The following KCTD15 variants were observed in gnomAD, a reference collection of about 807,000 sequenced individuals.
The protein encoded by KCTD15 is potassium channel tetramerization domain containing 15.
Under a neutral mutation model 27.2 loss-of-function variants are expected in KCTD15, and 11 were observed. The observed-to-expected ratio is 0.41, with a 90% CI of 0.25 to 0.67. KCTD15 has a LOEUF of 0.67. Ranked by LOEUF, KCTD15 falls within the 30% of genes least tolerant of loss-of-function variation. The probability of loss-of-function intolerance (pLI) is 0.35; values close to 1 mark genes in which losing one functional copy is unlikely to be tolerated. For synonymous variants in KCTD15, 163 were observed against 176.0 expected (o/e 0.93, Z 0.58); for missense variants, 350 against 409.3 (o/e 0.86, Z 1.25).
chr19:33,813,134 G>A lies in KCTD15; in HGVS notation c.*186G>A, dbSNP rs1358232117. ...AACGTGGGATGCTGGAGGCATGCCT[G>A]CAGAAGGACTGTTGATGCGACCCAA... On this transcript the variant is annotated 3_prime_UTR_variant, in exon 7 of 7. Coordinates refer to ENST00000683859, the MANE Select transcript of KCTD15 (RefSeq NM_001129994.2). 3.1e-6 allele frequency: 2 copies of A among 645,816 alleles called. No individual in the cohort carries two copies. Among genetic ancestry groups the A allele is most frequent in the Non-Finnish European group, 2.7e-6 (1 of 365,850 alleles). The allele number at this position is 645,816 out of a possible 1,614,324, so 40.0% of individuals were successfully genotyped here.
intron 5 of KCTD15, among the ~76,000 whole-genome samples, chr19:33,810,758 G>A (rs1975872369): frequency 6.6e-6 from 1 of 152,100 alleles, no homozygotes; most frequent in South Asian, 2.1e-4. Flanking sequence ...CTCAGGGCAG[G>A]TTGATGATGA....
Position 33,813,215 on chromosome 19 carries a change from C to T in KCTD15, c.*267C>T, listed in dbSNP as rs1017818511. 4.7e-6 allele frequency: 3 copies of T among 639,412 alleles called. No homozygotes were observed. Among genetic ancestry groups the T allele is most frequent in the Non-Finnish European group, 8.6e-6 (3 of 348,572 alleles). The allele number at this position is 639,412 out of a possible 1,614,324, so 39.6% of individuals were successfully genotyped here. On this transcript the variant is annotated 3_prime_UTR_variant, in exon 7 of 7. Coordinates refer to ENST00000683859, the MANE Select transcript of KCTD15 (RefSeq NM_001129994.2). Reference sequence around the variant, plus strand: ...TCTCCCAGCCCCTCAGCTTCGCAGCCTGGCGCAGCATCCTCTGAGGCCCCG... The same window carrying T: ...TCTCCCAGCCCCTCAGCTTCGCAGCTTGGCGCAGCATCCTCTGAGGCCCCG...
In KCTD15 at chr19:33,800,466, C is replaced by T; in HGVS notation, c.12C>T (p.Arg4=). MPH[R]KERPSGSSLH... ...GGATGGAAGCCTAGATGCCTCACCG[C>T]AAGGAGCGGCCGAGCGGGTCCTCGC... Residue 4 remains arginine (R), a synonymous_variant, in exon 3 of 7, where the codon CGC becomes CGT. Coordinates refer to ENST00000683859, the MANE Select transcript of KCTD15 (RefSeq NM_001129994.2). 2 of 1,605,504 alleles carry T rather than the reference C, an allele frequency of 1.2e-6. No individual in the cohort carries two copies. Among genetic ancestry groups the T allele is most frequent in the Non-Finnish European group, 1.7e-6 (2 of 1,177,172 alleles).
At chr19:33,797,512 C>A in intron 1 of KCTD15, 1 of 387,450 alleles carries the variant, frequency 2.6e-6, no homozygotes, top group Admixed American at 2.8e-5. Context: ...GCAGGAGGGG[C>A]TGTCGCGCTG....
At chr19:33,812,439 T>G in intron 6 of KCTD15, 1 of 1,071,538 alleles carries the variant, frequency 9.3e-7, no homozygotes, top group Non-Finnish European at 1.1e-6. Context: ...CTTGGGGCCA[T>G]GTGTCTGGAG....
chr19:33,812,185 G>C (rs1327003103), intron 6 of KCTD15: 1 of 1,138,342 alleles, frequency 8.8e-7, no homozygotes, highest in South Asian at 3.3e-5. Context: ...TGCAGGAGAC[G>C]GGTGTTACAC....
At chr19:33,794,676 A>C (rs1280733499), upstream of KCTD15, among the ~76,000 whole-genome samples, 1 of 151,864 alleles carries the variant, frequency 6.6e-6, no homozygotes, top group African/African-American at 2.4e-5. Flanking sequence ...GGGGGCACCC[A>C]CACACACAAC....
chr19:33,812,154 T>C, intron 6 of KCTD15: 1 of 1,197,696 alleles, frequency 8.3e-7, no homozygotes, highest in Non-Finnish European at 1.0e-6. Context: ...TTCCACAGCC[T>C]GTCGGTCAGA....
chr19:33,813,555 G>A lies in KCTD15; in HGVS notation c.*607G>A. 1 of 367,710 alleles carries A rather than the reference G, an allele frequency of 2.7e-6. No homozygotes were observed. The highest frequency in any genetic ancestry group is 7.5e-5 in the East Asian group (1 of 13,300). 22.8% of individuals were successfully genotyped at this position (367,710 alleles called of 1,614,324 possible). On this transcript the variant is annotated 3_prime_UTR_variant, in exon 7 of 7. Transcript: ENST00000683859. ...GACAGATGCAGGGATGTGTGCTGCAGGGCTGCTGGGAGGAGAGTGGTGGGG... is the reference window on the plus strand; with the variant it reads ...GACAGATGCAGGGATGTGTGCTGCAAGGCTGCTGGGAGGAGAGTGGTGGGG...
intron 4 of KCTD15, among the ~76,000 whole-genome samples, chr19:33,804,547 GT>G (rs1568378994): frequency 1.3e-5 from 2 of 152,160 alleles, no homozygotes; most frequent in East Asian, 3.8e-4. Context: ...CACCTTGGAT[GT>G]AGCTCTTACT....
In KCTD15 at chr19:33,812,938, C is replaced by T. The variant is rs1338058962; in HGVS notation, c.842C>T (p.Pro281Leu). The T allele has an allele frequency of 5.2e-6, 8 of 1,547,512 alleles. No homozygotes were observed. The East Asian group carries it at 2.0e-4, about 38-fold the overall frequency. ...TPTAVRIKQE[P>L]LD ...ACTGCTGTTCGAATCAAGCAGGAAC[C>T]CCTGGACTAGGCCCTGCTTCAGTGC... The change falls in exon 7 of 7, where the codon CCC (proline) becomes CTC (leucine). Residue 281 changes from proline (P) to leucine (L), a missense_variant. Coordinates refer to ENST00000683859, the MANE Select transcript of KCTD15 (RefSeq NM_001129994.2).
At chr19:33,800,295 A>C (rs1975484610) in intron 2 of KCTD15, 133 bp from the exon 3 acceptor site, 1 of 690,630 alleles carries the variant, frequency 1.4e-6, no homozygotes, top group African/African-American at 1.8e-5. Context: ...CGGTGGAGTC[A>C]ATCAGGGAGG....
upstream of KCTD15, among the ~76,000 whole-genome samples, chr19:33,795,429 A>AC (rs1295483233): frequency 1.2e-4 from 18 of 151,388 alleles, no homozygotes; most frequent in Non-Finnish European, 2.7e-4. Context: ...CTCCAGGCCG[A>AC]CCCCGAGCGC....
intron 4 of KCTD15, among the ~76,000 whole-genome samples, chr19:33,805,472 A>G (rs1296870249): frequency 6.6e-6 from 1 of 152,152 alleles, no homozygotes; most frequent in African/African-American, 2.4e-5. Flanking sequence ...TGGAGTGGAC[A>G]GAGGAGTGGG....
chr19:33,801,825 G>A (rs193259141), intron 4 of KCTD15: 1 of 153,256 alleles, frequency 6.5e-6, no homozygotes, highest in East Asian at 1.9e-4. Flanking sequence ...AAGAGGAGCT[G>A]TGGTGAGCTG....
chr19:33,809,160 C>T (rs1370436241), intron 5 of KCTD15, among the ~76,000 whole-genome samples: 2 of 151,704 alleles, frequency 1.3e-5, no homozygotes, highest in Non-Finnish European at 2.9e-5. Flanking sequence ...ACCTGTAGTC[C>T]CAGCTACTCG....
In KCTD15 at chr19:33,806,770, C is replaced by T. The variant is rs190342632; in HGVS notation, c.243-93C>T. 154 of 1,425,768 alleles carry T rather than the reference C, an allele frequency of 1.1e-4. No homozygotes were observed. In the African/African-American group the frequency reaches 1.8e-3, roughly 16 times the overall value. The allele number at this position is 1,425,768 out of a possible 1,614,324, so 88.3% of individuals were successfully genotyped here. ...ATGTCAGGTCCCTCGCCCCTCCAGC[C>T]GTGTGGGCCCTCAGGAGTGGGGGCG... On this transcript the variant is annotated intron_variant, in intron 4 of 6. Coordinates refer to ENST00000683859, the MANE Select transcript of KCTD15 (RefSeq NM_001129994.2).
In KCTD15 at chr19:33,812,872, A is replaced by G; in HGVS notation, c.776A>G (p.Tyr259Cys). The change falls in exon 7 of 7, where the codon TAT becomes TGT. Residue 259 changes from tyrosine (Y) to cysteine (C), a missense_variant. Physicochemically the swap from Tyr to Cys is radical, Grantham distance 194 (BLOSUM62 -2). Transcript: ENST00000683859. ...GTGGACTCCTCCCAGTTCAGCGAGTATGTGCTTTGCCGGGAGGAGCGGCGG... is the reference window on the plus strand; with the variant it reads ...GTGGACTCCTCCCAGTTCAGCGAGTGTGTGCTTTGCCGGGAGGAGCGGCGG... ...GGVDSSQFSE[Y>C]VLCREERRPQ... 1 of 1,549,646 alleles carries G rather than the reference A, an allele frequency of 6.5e-7. No individual in the cohort carries two copies. Among genetic ancestry groups the G allele is most frequent in the East Asian group, 2.4e-5 (1 of 40,826 alleles).
chr19:33,796,712 C>A, upstream of KCTD15: 1 of 141,134 alleles, frequency 7.1e-6, no homozygotes, highest in Non-Finnish European at 1.5e-5. Flanking sequence ...GAGGAGGCGG[C>A]GGCGGCGGAG....
Sources: gnomAD v4.1 joint callset for allele counts (sites outside exome capture counted in the v4.1 genomes callset) on GRCh38, gnomAD v4.1.1 for gene constraint, MANE v1.5 for transcripts, NCBI Gene and HGNC (gene_info 2026-07-23, HGNC 2026-07-21) for gene names.